Variants in ZW10 observed in about 807,000 individuals in gnomAD.
ZW10 encodes the protein zw10 kinetochore protein, also known as centromere/kinetochore protein zw10 homolog.
ZW10 carries 53 observed loss-of-function variants against 87.8 expected under a neutral mutation model. The observed-to-expected ratio is 0.60, with a 90% CI of 0.48 to 0.76. The LOEUF (loss-of-function observed/expected upper bound fraction) is 0.76. Among genes scored for constraint, ZW10 ranks in the 30% least tolerant of loss-of-function variants. The pLI is 0.00. For missense variants in ZW10, 837 were observed against 923.0 expected (o/e 0.91, Z 1.21); for synonymous variants, 312 against 329.2 (o/e 0.95, Z 0.57).
chr11:113,768,200 G>T (rs755163447), intron 2 of ZW10, among the ~76,000 whole-genome samples: 4 of 152,098 alleles, frequency 2.6e-5, no homozygotes, highest in Admixed American at 6.5e-5. Flanking sequence ...CCATAAATTT[G>T]AATATTTCTC....
rs1381830977 is a variant in ZW10 at position 113,736,761 on chromosome 11, C to A, written c.2078G>T (p.Gly693Val). 3.7e-6 allele frequency: 6 copies of A among 1,614,022 alleles called. No homozygotes were observed. In the African/African-American group the frequency reaches 8.0e-5, roughly 22 times the overall value. Reference sequence around the variant, plus strand: ...AGATAAAGGTGCAAATACTTGGGGTCCTTCATCCATCACTGTTTTGCATAA... The same window carrying A: ...AGATAAAGGTGCAAATACTTGGGGTACTTCATCCATCACTGTTTTGCATAA... ...YSLCKTVMDE[G>V]PQVFAPLSEE... The change falls in exon 15 of 16, where the codon GGA (glycine) becomes GTA (valine). Residue 693 changes from glycine (G) to valine (V), a missense_variant. Physicochemically the swap from Gly to Val is moderately radical, Grantham distance 109. Coordinates refer to ENST00000200135, the MANE Select transcript of ZW10 (RefSeq NM_004724.4).
intron 6 of ZW10, 105 bp from the exon 7 acceptor site, chr11:113,757,958 G>A: frequency 2.2e-6 from 2 of 926,156 alleles, no homozygotes; most frequent in Non-Finnish European, 3.0e-6. Flanking sequence ...GGCCGAGGCA[G>A]GTGGATCATC....
At chr11:113,737,442 G>GAAAA in intron 14 of ZW10, 130 bp downstream of exon 14, 6 of 820,992 alleles carry the variant, frequency 7.3e-6, no homozygotes, top group African/African-American at 1.9e-5. Context: ...AAACAAAACT[G>GAAAA]AAAAAAAAAA....
Position 113,757,683 on chromosome 11 carries a change from C to T in ZW10, c.904G>A (p.Val302Met), listed in dbSNP as rs1591418796. The T allele has an allele frequency of 3.1e-6, 5 of 1,602,792 alleles. No homozygotes were observed. Among genetic ancestry groups the T allele is most frequent in the Non-Finnish European group, 4.3e-6 (5 of 1,173,106 alleles). ...ATACCTAGAAGCTGTTTCTGGAGCA[C>T]TTCTAGTACCAGTCTGATCTTTGTA... ...VFTKIRLVLE[V>M]LQKQLLDLPL... is the part of the protein sequence containing the mutation. The change falls in exon 7 of 16, where the codon GTG becomes ATG. Residue 302 changes from valine to methionine, a missense_variant. Transcript: ENST00000200135.
At chr11:113,747,847 T>C (rs1017787326) in intron 8 of ZW10, 134 bp from the exon 9 acceptor site, 9 of 587,212 alleles carry the variant, frequency 1.5e-5, no homozygotes, top group Non-Finnish European at 2.2e-5. Context: ...TTACTAGGTA[T>C]AAAAATATAC....
chr11:113,747,627 A>G lies in ZW10; in HGVS notation c.1176T>C (p.Ala392=). 1 of 1,613,822 alleles carries G rather than the reference A, an allele frequency of 6.2e-7. No individual in the cohort carries two copies. The highest frequency in any genetic ancestry group is 1.3e-5 in the African/African-American group (1 of 75,052). The change falls in exon 9 of 16, where the codon GCT becomes GCC. Residue 392 remains alanine, a synonymous_variant. Coordinates refer to ENST00000200135, the MANE Select transcript of ZW10 (RefSeq NM_004724.4). ...KGDTTDLLKY[A]RNINSHFANK... is the part of the protein sequence containing the mutation. ...TTGCAAAATGAGAATTGATGTTACG[A>G]GCGTATTTCAGCAAATCTGTAGTAT...
Position 113,748,383 on chromosome 11 carries a change from T to C in ZW10, c.963A>G (p.Thr321=). ...PLDTDLENEK[T]STVPLAEMLG... ...GCATCTCAGCCAATGGGACAGTAGA[T>C]GTTTTTTCATTTTCCAGGTCAGTGT... The change falls in exon 8 of 16, where the codon ACA becomes ACG. Residue 321 remains threonine (T), a synonymous_variant. Transcript: ENST00000200135. 3 of 1,608,878 alleles carry C rather than the reference T, an allele frequency of 1.9e-6. No homozygotes were observed. Among genetic ancestry groups the C allele is most frequent in the Non-Finnish European group, 2.5e-6 (3 of 1,178,424 alleles).
chr11:113,767,052 C>T (rs1953915733), intron 2 of ZW10, among the ~76,000 whole-genome samples: 1 of 151,960 alleles, frequency 6.6e-6, no homozygotes, highest in African/African-American at 2.4e-5. Context: ...GAAACTTTAG[C>T]AGGCTAACTT....
Position 113,747,513 on chromosome 11 carries a change from G to A in ZW10, c.1272+18C>T. 6.3e-7 allele frequency: 1 copy of A among 1,599,060 alleles called. No individual in the cohort carries two copies. Among genetic ancestry groups the A allele is most frequent in the Non-Finnish European group, 8.5e-7 (1 of 1,169,912 alleles). On this transcript the variant is annotated intron_variant, in intron 9 of 15. Coordinates refer to ENST00000200135, the MANE Select transcript of ZW10 (RefSeq NM_004724.4). ...TCATATACAATGTTTCATATACAAT[G>A]CAATATAACACTGGTACCTTCACAG...
intron 5 of ZW10, 111 bp downstream of exon 5, chr11:113,760,098 G>A: frequency 7.7e-7 from 1 of 1,296,192 alleles, no homozygotes; most frequent in South Asian, 1.6e-5. Context: ...ATACAGACAT[G>A]GAAGATTATG....
At chr11:113,754,645 G>A (rs1953764448) in intron 7 of ZW10, among the ~76,000 whole-genome samples, 1 of 152,028 alleles carries the variant, frequency 6.6e-6, no homozygotes, top group African/African-American at 2.4e-5. Context: ...ACAGACTCTT[G>A]CTGTTACCCA....
intron 9 of ZW10, among the ~76,000 whole-genome samples, chr11:113,745,431 CTATT>C (rs1015250256): frequency 4.6e-5 from 7 of 152,064 alleles, no homozygotes; most frequent in African/African-American, 1.7e-4. Flanking sequence ...TCTAATAAAA[CTATT>C]TAAGTCAGTG....
At chr11:113,737,914 T>C (rs1303913210) in intron 13 of ZW10, among the ~76,000 whole-genome samples, 2 of 152,102 alleles carry the variant, frequency 1.3e-5, no homozygotes, top group Non-Finnish European at 1.5e-5. Context: ...ATAGGAAAAC[T>C]GCAGCAAAAA....
At chr11:113,737,872 G>C (rs915080080) in intron 13 of ZW10, among the ~76,000 whole-genome samples, 169 bp from the exon 14 acceptor site, 1 of 152,180 alleles carries the variant, frequency 6.6e-6, no homozygotes. Flanking sequence ...TGATATCCCT[G>C]GTAGATGAAA....
intron 2 of ZW10, among the ~76,000 whole-genome samples, chr11:113,766,343 C>T (rs1022875276): frequency 1.3e-5 from 2 of 151,764 alleles, no homozygotes; most frequent in African/African-American, 4.8e-5. Context: ...CCAGCCTAGG[C>T]AACAGAGTGA....
chr11:113,748,108 A>C (rs1187991672), intron 8 of ZW10, 149 bp downstream of exon 8: 5 of 651,148 alleles, frequency 7.7e-6, no homozygotes, highest in Non-Finnish European at 1.2e-5. Context: ...CCAGGAGAAA[A>C]ATGAAGTTAT....
chr11:113,745,363 T>C (rs1036225114), intron 9 of ZW10, among the ~76,000 whole-genome samples: 17 of 150,684 alleles, frequency 1.1e-4, no homozygotes, highest in African/African-American at 3.2e-4. Flanking sequence ...ACTGCAAGAA[T>C]AACAACTTTG....
In ZW10 at chr11:113,747,477, G is replaced by A. The variant is rs1345741355; in HGVS notation, c.1272+54C>T. On this transcript the variant is annotated intron_variant, in intron 9 of 15. Coordinates refer to ENST00000200135, the MANE Select transcript of ZW10 (RefSeq NM_004724.4). ...CACTTTACTATATGCATCTCAAAAT[G>A]AGTTGCTTTCTCATATACAATGTTT... 37 of 1,475,138 alleles carry A rather than the reference G, an allele frequency of 2.5e-5. No individual in the cohort carries two copies. The South Asian group carries it at 4.1e-4, about 17-fold the overall frequency. The allele number at this position is 1,475,138 out of a possible 1,614,324, so 91.4% of individuals were successfully genotyped here.
intron 5 of ZW10, among the ~76,000 whole-genome samples, chr11:113,759,000 G>A (rs957314878): frequency 1.5e-4 from 23 of 152,074 alleles, no homozygotes; most frequent in Admixed American, 1.4e-3. Flanking sequence ...GTAGTGAGAC[G>A]CTGTCTCTAA....
Sources: allele counts gnomAD v4.1 joint callset (sites outside exome capture counted in the v4.1 genomes callset), GRCh38; gene constraint gnomAD v4.1.1; transcripts MANE v1.5; gene names NCBI Gene and HGNC (gene_info 2026-07-23, HGNC 2026-07-21).